PDGFD: variants seen among roughly 807,000 people sequenced by gnomAD.
PDGFD encodes the protein platelet derived growth factor D.
Under a neutral mutation model 44.7 loss-of-function variants are expected in PDGFD, and 30 were observed. The observed-to-expected ratio is 0.67, with a 90% CI of 0.50 to 0.91. PDGFD has a LOEUF of 0.91. Among genes scored for constraint, PDGFD ranks in the 40% least tolerant of loss-of-function variants. PDGFD has a pLI of 0.00. For missense variants in PDGFD, 445 were observed against 457.8 expected, an observed-to-expected ratio of 0.97 and a Z score of 0.25; for synonymous variants, 173 against 168.4, an observed-to-expected ratio of 1.03 and a Z score of -0.21.
chr11:104,011,238 G>T (rs1406363061), intron 1 of PDGFD, among the ~76,000 whole-genome samples: 2 of 151,992 alleles, frequency 1.3e-5, no homozygotes, highest in African/African-American at 4.8e-5. Context: ...CATTTTCTTA[G>T]TCACTTCTGA....
intron 1 of PDGFD, among the ~76,000 whole-genome samples, chr11:104,106,247 G>A (rs1468369989): frequency 6.6e-6 from 1 of 152,158 alleles, no homozygotes; most frequent in African/African-American, 2.4e-5. Context: ...CACTCTGGCA[G>A]TATTTGTTTG....
chr11:104,163,803 C>A lies in PDGFD; in HGVS notation c.124+1G>T. The stretch of plus-strand genomic sequence containing the variant: ...GTTAAAAAATAAAATGAGTCTCTTA[C>A]CATCTCGCCTGAGGTTGGCGTTGCG... On this transcript the variant is annotated splice_donor_variant, in intron 1 of 6. Transcript: ENST00000393158. LOFTEE classifies it high-confidence loss of function. The A allele has an allele frequency of 6.5e-7, 1 of 1,533,032 alleles. No homozygotes were observed. The highest frequency in any genetic ancestry group is 1.3e-5 in the South Asian group (1 of 79,094). The allele number at this position is 1,533,032 out of a possible 1,614,324, so 95.0% of individuals were successfully genotyped here.
At chr11:103,922,573 G>A (rs1162310154) in intron 6 of PDGFD, among the ~76,000 whole-genome samples, 1 of 151,746 alleles carries the variant, frequency 6.6e-6, no homozygotes, top group Non-Finnish European at 1.5e-5. Context: ...TGTTTGAGAT[G>A]TGGTCTTACT....
intron 2 of PDGFD, among the ~76,000 whole-genome samples, chr11:103,997,112 C>T (rs1859544670): frequency 6.6e-6 from 1 of 152,152 alleles, no homozygotes; most frequent in Admixed American, 6.5e-5. Flanking sequence ...TTTCAGCTCC[C>T]TAAGATGTTG....
chr11:104,154,414 A>C (rs1862280353), intron 1 of PDGFD, among the ~76,000 whole-genome samples: 1 of 152,166 alleles, frequency 6.6e-6, no homozygotes, highest in African/African-American at 2.4e-5. Flanking sequence ...AAGGCAAAGG[A>C]AGAGAATTCT....
At chr11:104,096,725 CAG>C (rs1861294142) in intron 1 of PDGFD, among the ~76,000 whole-genome samples, 1 of 152,060 alleles carries the variant, frequency 6.6e-6, no homozygotes, top group South Asian at 2.1e-4. Context: ...GACAACAAAT[CAG>C]GGTATTATTT....
intron 3 of PDGFD, among the ~76,000 whole-genome samples, chr11:103,990,780 A>G (rs1161620467): frequency 6.6e-6 from 1 of 152,152 alleles, no homozygotes; most frequent in Non-Finnish European, 1.5e-5. Context: ...TGCCTAAAAT[A>G]CCATGGGTGT....
At chr11:104,005,332 T>C (rs959982088) in intron 1 of PDGFD, among the ~76,000 whole-genome samples, 1 of 152,228 alleles carries the variant, frequency 6.6e-6, no homozygotes, top group African/African-American at 2.4e-5. Context: ...ATAGAAAGTG[T>C]TCTTCCTTCT....
chr11:104,031,075 G>C (rs1235311044), intron 1 of PDGFD, among the ~76,000 whole-genome samples: 2 of 152,126 alleles, frequency 1.3e-5, no homozygotes, highest in Non-Finnish European at 2.9e-5. Flanking sequence ...TGGGACATGG[G>C]CATGGACAAA....
intron 2 of PDGFD, among the ~76,000 whole-genome samples, chr11:103,997,715 T>G (rs537317500): frequency 5.3e-5 from 8 of 152,326 alleles, no homozygotes; most frequent in Non-Finnish European, 1.0e-4. Context: ...ATACAATACA[T>G]GTAAATCATA....
chr11:104,153,521 T>C (rs1328018253), intron 1 of PDGFD, among the ~76,000 whole-genome samples: 2 of 152,134 alleles, frequency 1.3e-5, no homozygotes. Flanking sequence ...CAGGGAAGGC[T>C]ACACAGAGTG....
At chr11:103,922,555 C>CA (rs397805890) in intron 6 of PDGFD, among the ~76,000 whole-genome samples, 8 of 151,830 alleles carry the variant, frequency 5.3e-5, no homozygotes, top group Non-Finnish European at 1.2e-4. Context: ...AATTCCCCCC[C>CA]GCCTTTTTGT....
intron 1 of PDGFD, among the ~76,000 whole-genome samples, chr11:104,068,997 T>C (rs1860834579): frequency 6.6e-6 from 1 of 152,208 alleles, no homozygotes; most frequent in South Asian, 2.1e-4. Flanking sequence ...TATGATAAAA[T>C]ACTGTTACCT....
chr11:104,000,233 C>T lies in PDGFD; in HGVS notation c.147G>A (p.Leu49=). Residue 49 remains leucine (L), a synonymous_variant, in exon 2 of 7, where the codon TTG becomes TTA. Transcript: ENST00000393158. ...CCTGGATGGTCTCATCTCTTCGGTA[C>T]AAGTCTGTGAGGTGATTGCTCTCTG... ...RRDESNHLTD[L]YRRDETIQVK... The T allele has an allele frequency of 4.3e-6, 7 of 1,613,966 alleles. No homozygotes were observed. Among genetic ancestry groups the T allele is most frequent in the Non-Finnish European group, 5.9e-6 (7 of 1,179,950 alleles).
intron 3 of PDGFD, among the ~76,000 whole-genome samples, chr11:103,955,556 A>G (rs370988910): frequency 1.3e-5 from 2 of 152,362 alleles, no homozygotes; most frequent in South Asian, 2.1e-4. Flanking sequence ...TTACAGACTC[A>G]TCATCAAACT....
At chr11:103,967,022 A>G (rs1859030762) in intron 3 of PDGFD, among the ~76,000 whole-genome samples, 1 of 152,208 alleles carries the variant, frequency 6.6e-6, no homozygotes, top group South Asian at 2.1e-4. Context: ...AGCACTTTCA[A>G]ACCATTGATA....
chr11:103,978,056 C>A (rs372439438), intron 3 of PDGFD, among the ~76,000 whole-genome samples: 1 of 152,050 alleles, frequency 6.6e-6, no homozygotes, highest in Non-Finnish European at 1.5e-5. Flanking sequence ...CTTCATCATC[C>A]GGCTCCATCA....
chr11:104,156,540 T>C (rs1862310452), intron 1 of PDGFD, among the ~76,000 whole-genome samples: 2 of 152,142 alleles, frequency 1.3e-5, no homozygotes, highest in Non-Finnish European at 2.9e-5. Context: ...CTTCTCATAA[T>C]GAAAGACAGC....
At chr11:103,972,572 C>T (rs117725175) in intron 3 of PDGFD, among the ~76,000 whole-genome samples, 10 of 152,256 alleles carry the variant, frequency 6.6e-5, no homozygotes, top group Non-Finnish European at 1.2e-4. Context: ...TTTTGAAGCT[C>T]AGTTTTGTGA....
Sources: gnomAD v4.1 joint callset for allele counts (sites outside exome capture counted in the v4.1 genomes callset) on GRCh38, gnomAD v4.1.1 for gene constraint, MANE v1.5 for transcripts, NCBI Gene and HGNC (gene_info 2026-07-23, HGNC 2026-07-21) for gene names.